Variants in RBFOX1 observed in about 807,000 individuals in gnomAD.
RBFOX1 encodes the protein RNA binding protein fox-1 homolog 1.
A neutral mutation model predicts 57.7 loss-of-function variants in RBFOX1; 8 were observed. The ratio of observed to expected loss-of-function variants is 0.14; its 90% confidence interval spans 0.08 to 0.25. RBFOX1 has a LOEUF of 0.25. Among genes scored for constraint, RBFOX1 ranks in the 10% least tolerant of loss-of-function variants. RBFOX1 has a pLI of 1.00. For synonymous variants in RBFOX1, 326 were observed against 222.4 expected (o/e 1.47, Z -4.15); for missense variants, 611 against 548.5 (o/e 1.11, Z -1.14).
chr16:6,740,626 C>G (rs1186034535), intron 3 of RBFOX1, among the ~76,000 whole-genome samples: 2 of 152,106 alleles, frequency 1.3e-5, no homozygotes, highest in East Asian at 3.9e-4. Flanking sequence ...AAATACAATA[C>G]AATTTTAATC....
chr16:7,401,488 C>T (rs1332631861), intron 4 of RBFOX1, among the ~76,000 whole-genome samples: 1 of 152,018 alleles, frequency 6.6e-6, no homozygotes, highest in Non-Finnish European at 1.5e-5. Context: ...TTGATAGACC[C>T]TCAAACAGAT....
intron 4 of RBFOX1, among the ~76,000 whole-genome samples, chr16:7,300,370 A>C (rs1200269472): frequency 1.3e-5 from 2 of 152,224 alleles, no homozygotes; most frequent in East Asian, 1.9e-4. Flanking sequence ...CAGTGACTCA[A>C]AGTGCTTTTG....
At chr16:7,565,301 T>C (rs1049373497) in intron 5 of RBFOX1, among the ~76,000 whole-genome samples, 1 of 152,186 alleles carries the variant, frequency 6.6e-6, no homozygotes, top group African/African-American at 2.4e-5. Context: ...TTGGATTCTT[T>C]GTACACATTC....
intron 3 of RBFOX1, among the ~76,000 whole-genome samples, chr16:6,962,973 G>A (rs1424902848): frequency 6.6e-6 from 1 of 152,132 alleles, no homozygotes; most frequent in Non-Finnish European, 1.5e-5. Flanking sequence ...AGTTTGCATG[G>A]CAAAGGAGAA....
At chr16:5,433,627 G>A (rs564213636) in intron 1 of RBFOX1, among the ~76,000 whole-genome samples, 53 of 152,296 alleles carry the variant, frequency 3.5e-4, no homozygotes, top group South Asian at 2.9e-3. Flanking sequence ...CAAAAATAAT[G>A]TATGCATTTA....
intron 3 of RBFOX1, among the ~76,000 whole-genome samples, chr16:5,771,942 G>C (rs769735919): frequency 2.0e-5 from 3 of 152,150 alleles, no homozygotes; most frequent in Non-Finnish European, 4.4e-5. Flanking sequence ...GGGAGGTCGA[G>C]GGGGGTGGAT....
intron 4 of RBFOX1, among the ~76,000 whole-genome samples, chr16:7,234,947 G>T (rs144912547): frequency 6.6e-6 from 1 of 152,078 alleles, no homozygotes; most frequent in East Asian, 1.9e-4. Context: ...TTGCTTTTAT[G>T]CCTGTAGCTT....
intron 1 of RBFOX1, among the ~76,000 whole-genome samples, chr16:5,292,001 T>C (rs917699887): frequency 1.9e-4 from 29 of 152,178 alleles, no homozygotes; most frequent in Admixed American, 3.9e-4. Flanking sequence ...GTTACTTTTT[T>C]TTTTTTTCAA....
At chr16:5,776,730 C>G (rs1466781621) in intron 3 of RBFOX1, among the ~76,000 whole-genome samples, 1 of 152,212 alleles carries the variant, frequency 6.6e-6, no homozygotes, top group Non-Finnish European at 1.5e-5. Context: ...CTGCCTCCAA[C>G]ACCCACAGTG....
At position 6,899,085 on chromosome 16, in the gene RBFOX1, T is replaced by C. The variant is rs376075987; in HGVS notation, c.-15-152972T>C. On this transcript the variant is annotated intron_variant, in intron 3 of 15. Coordinates refer to ENST00000550418, the MANE Select transcript of RBFOX1 (RefSeq NM_018723.4). ...TACATGTATTACACACATGTACACG[T>C]GTATAATGTGTGTACATCTGTGTAT... Among the ~76,000 whole-genome samples, 260 of 108,694 alleles carry C rather than the reference T, an allele frequency of 2.4e-3. 1 individual carries two copies. The highest frequency in any genetic ancestry group is 0.012 in the African/African-American group (237 of 20,114). The allele number at this position is 108,694 out of a possible 152,430, so 71.3% of individuals were successfully genotyped here.
chr16:7,181,238 C>T (rs139446311), intron 4 of RBFOX1, among the ~76,000 whole-genome samples: 2 of 152,116 alleles, frequency 1.3e-5, no homozygotes, highest in East Asian at 3.9e-4. Context: ...ACTGCTATGC[C>T]CCGATGAGCA....
At position 6,034,355 on chromosome 16, in the gene RBFOX1, AAAG is replaced by A. The variant is rs1205884619; in HGVS notation, c.-127+14366_-127+14368del. Among the ~76,000 whole-genome samples the A allele has an allele frequency of 3.3e-3, 456 of 139,940 alleles. 6 individuals are homozygous for A. The highest frequency in any genetic ancestry group is 7.7e-3 in the African/African-American group (292 of 37,708). The allele number at this position is 139,940 out of a possible 152,430, so 91.8% of individuals were successfully genotyped here. On this transcript the variant is annotated intron_variant, in intron 1 of 15. Coordinates refer to ENST00000550418, the MANE Select transcript of RBFOX1 (RefSeq NM_018723.4). Reference sequence around the variant, plus strand: ...GCAAAAAAAAAAAAAAAAAAAAAAAAAAGAAAAGAAAAGAAAAGAAAGGAATAG... The same window carrying A: ...GCAAAAAAAAAAAAAAAAAAAAAAAAAAAAGAAAAGAAAAGAAAGGAATAG...
rs1365473146 is a variant in RBFOX1, at chr16:5,596,683, G to A, written c.259-2219G>A. On this transcript the variant is annotated intron_variant, in intron 2 of 2. Transcript: ENST00000585867. Reference sequence around the variant, plus strand: ...GCGCTTAACTCGTTGATCAAGTGCAGTTTTTTCTTGGTCCATCTATAAAGT... The same window carrying A: ...GCGCTTAACTCGTTGATCAAGTGCAATTTTTTCTTGGTCCATCTATAAAGT... Among the ~76,000 whole-genome samples, 3 of 152,332 alleles carry A rather than the reference G, an allele frequency of 2.0e-5. No individual in the cohort carries two copies. The East Asian group carries it at 5.8e-4, about 29-fold the overall frequency.
At chr16:5,675,541 G>T (rs2050141872) in intron 3 of RBFOX1, among the ~76,000 whole-genome samples, 1 of 152,132 alleles carries the variant, frequency 6.6e-6, no homozygotes, top group Non-Finnish European at 1.5e-5. Flanking sequence ...GCCAGATAAT[G>T]GAAACACAGA....
chr16:6,186,024 TC>T (rs1299897617), intron 1 of RBFOX1, among the ~76,000 whole-genome samples: 1 of 152,216 alleles, frequency 6.6e-6, no homozygotes, highest in Non-Finnish European at 1.5e-5. Context: ...TTCTCTATTC[TC>T]CTTGGATGTG....
intron 2 of RBFOX1, among the ~76,000 whole-genome samples, chr16:6,613,999 C>T (rs1464637595): frequency 3.3e-5 from 5 of 152,168 alleles, no homozygotes; most frequent in Non-Finnish European, 7.4e-5. Flanking sequence ...AAGCTTTATA[C>T]AGCAATTACT....
At chr16:7,667,746 C>T (rs2069872024) in intron 13 of RBFOX1, among the ~76,000 whole-genome samples, 1 of 152,066 alleles carries the variant, frequency 6.6e-6, no homozygotes, top group East Asian at 1.9e-4. Context: ...GGTGCAATGT[C>T]ATCTGTCTGC....
chr16:6,550,631 G>C (rs1036555313), intron 2 of RBFOX1, among the ~76,000 whole-genome samples: 1 of 152,126 alleles, frequency 6.6e-6, no homozygotes, highest in Non-Finnish European at 1.5e-5. Context: ...CAGCCTTCAT[G>C]GCACACTTCT....
At chr16:6,521,838 G>A (rs1033790108) in intron 2 of RBFOX1, among the ~76,000 whole-genome samples, 1 of 152,118 alleles carries the variant, frequency 6.6e-6, no homozygotes. Flanking sequence ...AAAAATGGAA[G>A]GCTTAGAGTT....
Sources: allele counts gnomAD v4.1 joint callset (sites outside exome capture counted in the v4.1 genomes callset), GRCh38; gene constraint gnomAD v4.1.1; transcripts MANE v1.5; gene names NCBI Gene and HGNC (gene_info 2026-07-23, HGNC 2026-07-21).